The following DOCK7 variants were observed in gnomAD, a reference collection of about 807,000 sequenced individuals.
The protein encoded by DOCK7 is dedicator of cytokinesis 7, also known as dedicator of cytokinesis protein 7.
A neutral mutation model predicts 271.0 loss-of-function variants in DOCK7; 138 were observed. That is an observed-to-expected ratio of 0.51 (90% CI 0.44 to 0.59). DOCK7 has a LOEUF of 0.59. Ranked by LOEUF, DOCK7 falls within the 20% of genes least tolerant of loss-of-function variation. The probability of loss-of-function intolerance (pLI) is 0.00; values close to 1 mark genes in which losing one functional copy is unlikely to be tolerated. For missense variants in DOCK7, 2,066 were observed against 2,592.4 expected (o/e 0.80, Z 4.41); for synonymous variants, 823 against 876.1 (o/e 0.94, Z 1.07).
At chr1:62,480,437 G>C (rs1225221065) in intron 43 of DOCK7, among the ~76,000 whole-genome samples, 1 of 152,152 alleles carries the variant, frequency 6.6e-6, no homozygotes, top group East Asian at 1.9e-4. Flanking sequence ...TCCCAAGAGA[G>C]TAAAAAATGT....
chr1:62,463,456 A>G (rs1042790042), intron 48 of DOCK7, among the ~76,000 whole-genome samples: 3 of 152,210 alleles, frequency 2.0e-5, no homozygotes, highest in African/African-American at 7.2e-5. Flanking sequence ...ACTATTCTTA[A>G]TTTTAAGCCC....
chr1:62,632,094 T>A (rs951793955), intron 10 of DOCK7, among the ~76,000 whole-genome samples: 1 of 152,194 alleles, frequency 6.6e-6, no homozygotes, highest in African/African-American at 2.4e-5. Context: ...AAACCTATAC[T>A]ACCTCTCTCA....
intron 1 of DOCK7, among the ~76,000 whole-genome samples, chr1:62,672,241 A>T (rs530157229): frequency 6.6e-6 from 1 of 152,282 alleles, no homozygotes; most frequent in South Asian, 2.1e-4. Flanking sequence ...ATCATACAAT[A>T]ATCATTTCTT....
intron 43 of DOCK7, chr1:62,478,606 T>C (rs1646031479): frequency 6.6e-6 from 1 of 151,986 alleles, no homozygotes; most frequent in Non-Finnish European, 1.5e-5. Flanking sequence ...TAGAGACGGG[T>C]TTCAGCATGT....
intron 1 of DOCK7, among the ~76,000 whole-genome samples, chr1:62,682,823 G>A (rs944713526): frequency 6.6e-6 from 1 of 152,172 alleles, no homozygotes; most frequent in Non-Finnish European, 1.5e-5. Flanking sequence ...AAGTCTTATG[G>A]TTTAAGGGAA....
chr1:62,682,651 A>G lies in DOCK7; in HGVS notation c.38+5576T>C, dbSNP rs897977898. On this transcript the variant is annotated intron_variant, in intron 1 of 49. Coordinates refer to ENST00000635253, the MANE Select transcript of DOCK7 (RefSeq NM_001367561.1). ...TTCAAGTACACATAAGGTAAGCACA[A>G]CTATATAGCCCAAGGATTGATGAGG... Among the ~76,000 whole-genome samples the G allele has an allele frequency of 1.3e-5, 2 of 152,368 alleles. 1 individual carries two copies. Among genetic ancestry groups the G allele is most frequent in the South Asian group, 4.1e-4 (2 of 4,828 alleles).
intron 14 of DOCK7, among the ~76,000 whole-genome samples, chr1:62,615,333 G>C (rs917815900): frequency 2.6e-5 from 4 of 151,638 alleles, no homozygotes; most frequent in Admixed American, 1.3e-4. Context: ...ATTATTAATC[G>C]CTTTCTTAAA....
At chr1:62,483,278 G>GC (rs1471399369) in intron 43 of DOCK7, 1 of 144,944 alleles carries the variant, frequency 6.9e-6, no homozygotes, top group African/African-American at 2.6e-5. Flanking sequence ...CGAGGATCGC[G>GC]CCTTGGCCTC....
intron 31 of DOCK7, among the ~76,000 whole-genome samples, chr1:62,523,189 TG>T (rs1327268328): frequency 6.6e-6 from 1 of 152,170 alleles, no homozygotes; most frequent in Non-Finnish European, 1.5e-5. Context: ...CTTTACAAGC[TG>T]ATTTTCAAAT....
intron 14 of DOCK7, chr1:62,602,419 T>C: frequency 6.4e-7 from 1 of 1,563,652 alleles, no homozygotes; most frequent in African/African-American, 1.4e-5. Context: ...CACTTGCTAA[T>C]CTACAAATAT....
chr1:62,457,777 A>G, intron 48 of DOCK7, 72 bp from the exon 49 acceptor site: 2 of 1,374,794 alleles, frequency 1.5e-6, no homozygotes, highest in Non-Finnish European at 2.0e-6. Flanking sequence ...TACACACGCA[A>G]AATACATATA....
intron 14 of DOCK7, among the ~76,000 whole-genome samples, chr1:62,618,382 C>CCA (rs1469529907): frequency 3.3e-5 from 5 of 152,120 alleles, no homozygotes; most frequent in African/African-American, 1.2e-4. Flanking sequence ...AATCCCATCA[C>CCA]CATCACACTA....
intron 31 of DOCK7, among the ~76,000 whole-genome samples, chr1:62,522,689 C>T (rs2801387): frequency 0.98 from 149,752 of 152,098 alleles, 73,765 homozygotes; most frequent in Middle Eastern, 1. Flanking sequence ...CAATAAATTA[C>T]ATATATAAAA....
At chr1:62,498,588 A>G (rs1646689254) in intron 37 of DOCK7, among the ~76,000 whole-genome samples, 1 of 152,062 alleles carries the variant, frequency 6.6e-6, no homozygotes, top group Non-Finnish European at 1.5e-5. Flanking sequence ...ATCTGTTATT[A>G]AATGAACATC....
chr1:62,579,052 T>G (rs967207191), intron 16 of DOCK7, 86 bp from the exon 17 acceptor site: 2 of 1,261,508 alleles, frequency 1.6e-6, no homozygotes, highest in African/African-American at 3.1e-5. Context: ...ATTTTAAAAT[T>G]TTAAGATTCA....
chr1:62,643,712 T>G (rs1388457261), intron 7 of DOCK7, among the ~76,000 whole-genome samples: 11 of 152,182 alleles, frequency 7.2e-5, no homozygotes, highest in Admixed American at 7.2e-4. Context: ...ATAATTGTTT[T>G]CTTCTTCCCT....
chr1:62,473,125 G>C (rs1411675962), intron 48 of DOCK7, among the ~76,000 whole-genome samples: 1 of 152,166 alleles, frequency 6.6e-6, no homozygotes, highest in Non-Finnish European at 1.5e-5. Flanking sequence ...TGAAATTGGG[G>C]ATAGTCTTGG....
At chr1:62,571,271 C>A (rs1171587183) in intron 18 of DOCK7, among the ~76,000 whole-genome samples, 1 of 152,170 alleles carries the variant, frequency 6.6e-6, no homozygotes, top group Non-Finnish European at 1.5e-5. Context: ...CAAAAGAAGA[C>A]ATTCATGTGG....
intron 14 of DOCK7, chr1:62,604,674 A>G: frequency 6.2e-7 from 1 of 1,613,258 alleles, no homozygotes; most frequent in South Asian, 1.1e-5. Context: ...AAACAACCTA[A>G]ATGGTAAATA....
Sources: gnomAD v4.1 joint callset for allele counts (sites outside exome capture counted in the v4.1 genomes callset) on GRCh38, gnomAD v4.1.1 for gene constraint, MANE v1.5 for transcripts, NCBI Gene and HGNC (gene_info 2026-07-23, HGNC 2026-07-21) for gene names.